WDR7: variants seen among roughly 807,000 people sequenced by gnomAD.
The protein encoded by WDR7 is WD repeat domain 7.
In WDR7, 46 loss-of-function variants were observed where a neutral mutation model predicts 169.4. The ratio of observed to expected loss-of-function variants is 0.27; its 90% CI spans 0.21 to 0.35. WDR7 has a LOEUF of 0.35. Ranked by LOEUF, WDR7 falls within the 10% of genes least tolerant of loss-of-function variation. The probability of loss-of-function intolerance (pLI) is 1.00; values close to 1 mark genes in which losing one functional copy is unlikely to be tolerated. For missense variants in WDR7, 1,534 were observed against 1,859.3 expected, an observed-to-expected ratio of 0.83 and a Z score of 3.22; for synonymous variants, 612 against 666.8, an observed-to-expected ratio of 0.92 and a Z score of 1.27.
intron 14 of WDR7, among the ~76,000 whole-genome samples, chr18:56,738,051 C>T (rs1253040238): frequency 6.6e-6 from 1 of 151,768 alleles, no homozygotes; most frequent in African/African-American, 2.4e-5. Flanking sequence ...TTGTCTAGTC[C>T]CTAATAAATA....
intron 7 of WDR7, among the ~76,000 whole-genome samples, chr18:56,689,016 G>A (rs2025507820): frequency 2.0e-5 from 3 of 151,990 alleles, no homozygotes; most frequent in East Asian, 3.9e-4. Flanking sequence ...AGAAAACTAC[G>A]GAACACTCAG....
intron 2 of WDR7, among the ~76,000 whole-genome samples, chr18:56,675,392 A>T (rs608136): frequency 0.88 from 133,731 of 152,010 alleles, 61,270 homozygotes; most frequent in Non-Finnish European, 1. Context: ...TTTTTCAGCG[A>T]TATTTTGTAG....
At chr18:56,820,892 A>ATG (rs532681265) in intron 20 of WDR7, among the ~76,000 whole-genome samples, 159 of 152,322 alleles carry the variant, frequency 1.0e-3, no homozygotes, top group Non-Finnish European at 1.6e-3. Context: ...AAAAACTTAC[A>ATG]TGATTGATAC....
At chr18:56,869,959 A>G (rs2045930773) in intron 20 of WDR7, among the ~76,000 whole-genome samples, 1 of 152,152 alleles carries the variant, frequency 6.6e-6, no homozygotes, top group Admixed American at 6.5e-5. Flanking sequence ...GATCCACAAC[A>G]TACATCCTCC....
chr18:56,991,575 T>A (rs1236272500), intron 26 of WDR7, among the ~76,000 whole-genome samples: 2 of 152,100 alleles, frequency 1.3e-5, no homozygotes, highest in Admixed American at 1.3e-4. Flanking sequence ...TTTTAGACAT[T>A]ATGTGGACCA....
intron 1 of WDR7, among the ~76,000 whole-genome samples, chr18:56,661,119 A>G (rs1396898341): frequency 1.3e-5 from 2 of 152,154 alleles, no homozygotes; most frequent in Non-Finnish European, 2.9e-5. Flanking sequence ...GTTTAATTCA[A>G]TTTATATACA....
intron 21 of WDR7, among the ~76,000 whole-genome samples, chr18:56,904,016 T>C: frequency 6.6e-6 from 1 of 152,118 alleles, no homozygotes; most frequent in Non-Finnish European, 1.5e-5. Context: ...TGTTTAAAGT[T>C]GATGGATTGA....
At chr18:56,770,444 T>C (rs1240818772) in intron 16 of WDR7, among the ~76,000 whole-genome samples, 1 of 152,248 alleles carries the variant, frequency 6.6e-6, no homozygotes, top group Non-Finnish European at 1.5e-5. Flanking sequence ...TCTCTCCCCA[T>C]GGTTCTTGGT....
In WDR7 at chr18:56,942,903, A is replaced by G. The variant is rs142887658; in HGVS notation, c.4064+3510A>G. The stretch of plus-strand genomic sequence containing the variant: ...AAGTTATGTAGATATTATTAAGATT[A>G]TGAAAATAAAGTCCACATAGGCCCA... On this transcript the variant is annotated intron_variant, in intron 25 of 27. Coordinates refer to ENST00000254442, the MANE Select transcript of WDR7 (RefSeq NM_015285.3). 1.1e-3 allele frequency among the ~76,000 whole-genome samples: 173 copies of G among 152,374 alleles called. 1 individual carries two copies. Among genetic ancestry groups the G allele is most frequent in the Non-Finnish European group, 2.3e-3 (156 of 68,032 alleles).
At chr18:56,960,508 G>A (rs1240185691) in intron 25 of WDR7, among the ~76,000 whole-genome samples, 1 of 152,046 alleles carries the variant, frequency 6.6e-6, no homozygotes. Context: ...CTATTAACCT[G>A]CACAGAATAA....
intron 25 of WDR7, among the ~76,000 whole-genome samples, chr18:56,940,824 A>G (rs1004836036): frequency 5.3e-5 from 8 of 152,128 alleles, no homozygotes; most frequent in African/African-American, 1.9e-4. Context: ...AAAGTGCTCA[A>G]TGTTTAAAGG....
intron 20 of WDR7, among the ~76,000 whole-genome samples, chr18:56,872,191 G>T (rs1181085471): frequency 6.6e-6 from 1 of 152,050 alleles, no homozygotes; most frequent in East Asian, 1.9e-4. Flanking sequence ...TAAAACTGAA[G>T]AACTTAATAT....
At chr18:56,678,740 C>T (rs563344833) in intron 2 of WDR7, among the ~76,000 whole-genome samples, 19 of 152,246 alleles carry the variant, frequency 1.2e-4, no homozygotes, top group Admixed American at 1.2e-3. Context: ...CATGATCTGC[C>T]CACCTTAGCC....
In WDR7 at chr18:56,816,079, C is replaced by A; in HGVS notation, c.3239C>A (p.Ala1080Asp). 6.2e-7 allele frequency: 1 copy of A among 1,613,768 alleles called. No homozygotes were observed. Among genetic ancestry groups the A allele is most frequent in the Non-Finnish European group, 8.5e-7 (1 of 1,179,892 alleles). Residue 1080 changes from alanine (A) to aspartate (D), a missense_variant, in exon 20 of 28, where the codon GCC (alanine) becomes GAC (aspartate). Physicochemically the swap from Ala to Asp is moderately radical, Grantham distance 126 (BLOSUM62 -2). Coordinates refer to ENST00000254442, the MANE Select transcript of WDR7 (RefSeq NM_015285.3). ...CAGACTATCACCACGGCTCCTGATG[C>A]CTCAGGGCCTGAAGCAAAAGTCCAG... ...AAQTITTAPD[A>D]SGPEAKVQEE...
In WDR7 at chr18:56,726,259, C is replaced by T. The variant is rs571546566; in HGVS notation, c.1775-5124C>T. Among the ~76,000 whole-genome samples the T allele has an allele frequency of 1.8e-3, 270 of 152,246 alleles. 1 individual carries two copies. The highest frequency in any genetic ancestry group is 6.1e-3 in the African/African-American group (255 of 41,538). On this transcript the variant is annotated intron_variant, in intron 13 of 27. Coordinates refer to ENST00000254442, the MANE Select transcript of WDR7 (RefSeq NM_015285.3). ...ACCTTGGGCAGTATGGCCATTTTCA[C>T]GACATTGATTCTTCCTATCTATGAG...
intron 21 of WDR7, among the ~76,000 whole-genome samples, chr18:56,916,429 C>T (rs1189778019): frequency 6.6e-6 from 1 of 152,070 alleles, no homozygotes; most frequent in Non-Finnish European, 1.5e-5. Context: ...CATCCATATC[C>T]CTACAAAGGA....
At chr18:56,738,032 C>T (rs17750093) in intron 14 of WDR7, among the ~76,000 whole-genome samples, 25,392 of 151,918 alleles carry the variant, frequency 0.17, 2,548 homozygotes, top group Non-Finnish European at 0.23. Flanking sequence ...TTTTAAATTA[C>T]GCCAATTGTT....
intron 13 of WDR7, among the ~76,000 whole-genome samples, chr18:56,723,504 G>T (rs1176949229): frequency 6.6e-6 from 1 of 151,914 alleles, no homozygotes; most frequent in East Asian, 1.9e-4. Context: ...AGGTCAACAG[G>T]TTTTTGTCTT....
chr18:56,901,172 G>A (rs1464054111), intron 21 of WDR7, among the ~76,000 whole-genome samples: 2 of 152,304 alleles, frequency 1.3e-5, no homozygotes, highest in African/African-American at 2.4e-5. Flanking sequence ...GGCTAAGGCC[G>A]AAGGATTGCT....
Sources: gnomAD v4.1 joint callset for allele counts (sites outside exome capture counted in the v4.1 genomes callset) on GRCh38, gnomAD v4.1.1 for gene constraint, MANE v1.5 for transcripts, NCBI Gene and HGNC (gene_info 2026-07-23, HGNC 2026-07-21) for gene names.